CDH18: variants seen among roughly 807,000 people sequenced by gnomAD.
CDH18 encodes cadherin 18, also known as cadherin-18.
CDH18 carries 31 observed loss-of-function variants against 67.9 expected under a neutral mutation model. That is an observed-to-expected ratio of 0.46 (90% CI 0.34 to 0.62). The LOEUF is 0.62. Among genes scored for constraint, CDH18 ranks in the 20% least tolerant of loss-of-function variants. CDH18 has a pLI of 0.01. For missense variants in CDH18, 890 were observed against 975.5 expected (o/e 0.91, Z 1.17); for synonymous variants, 362 against 347.2 (o/e 1.04, Z -0.48).
chr5:19,688,465 A>G lies in CDH18; in HGVS notation c.643+32882T>C, dbSNP rs77280826. ...CAGCTGAAGAAGGCATATGAAGACT[A>G]TACTACTTAATGCACCCATAATCAA... is the stretch of plus-strand genomic sequence containing the variant. On this transcript the variant is annotated intron_variant, in intron 5 of 12. Coordinates refer to ENST00000382275, the MANE Select transcript of CDH18 (RefSeq NM_004934.5). 1.1e-3 allele frequency among the ~76,000 whole-genome samples: 166 copies of G among 152,284 alleles called. 2 individuals carry two copies. The East Asian group carries it at 0.025, about 22-fold the overall frequency.
chr5:20,284,967 G>T (rs998538374), intron 1 of CDH18, among the ~76,000 whole-genome samples: 1 of 151,666 alleles, frequency 6.6e-6, no homozygotes, highest in Non-Finnish European at 1.5e-5. Flanking sequence ...TAGAAATTAA[G>T]AATAAGAATT....
intron 2 of CDH18, among the ~76,000 whole-genome samples, chr5:19,913,974 G>A (rs1791444403): frequency 6.6e-6 from 1 of 152,060 alleles, no homozygotes; most frequent in Non-Finnish European, 1.5e-5. Flanking sequence ...GATTATTTTA[G>A]CTTCTATCAA....
At chr5:19,943,674 C>T (rs544523093) in intron 2 of CDH18, among the ~76,000 whole-genome samples, 1 of 151,952 alleles carries the variant, frequency 6.6e-6, no homozygotes, top group East Asian at 1.9e-4. Context: ...CCAAAGGATT[C>T]CAGTCAATGA....
chr5:19,848,674 T>A (rs925755352), intron 2 of CDH18, among the ~76,000 whole-genome samples: 1 of 151,790 alleles, frequency 6.6e-6, no homozygotes, highest in Admixed American at 6.6e-5. Context: ...ATGAGGAGAA[T>A]GCAATATAGG....
At chr5:20,093,169 G>A (rs528970380) in intron 2 of CDH18, among the ~76,000 whole-genome samples, 10 of 151,742 alleles carry the variant, frequency 6.6e-5, no homozygotes, top group Admixed American at 2.0e-4. Context: ...CCAAGAATTC[G>A]AGACCAGTCT....
At chr5:19,663,801 TC>T (rs1199570295) in intron 5 of CDH18, among the ~76,000 whole-genome samples, 1 of 151,900 alleles carries the variant, frequency 6.6e-6, no homozygotes, top group Non-Finnish European at 1.5e-5. Flanking sequence ...AAAAATGATA[TC>T]CGGTGTTATA....
At chr5:20,411,276 G>C (rs1348983491) in intron 1 of CDH18, among the ~76,000 whole-genome samples, 3 of 151,928 alleles carry the variant, frequency 2.0e-5, no homozygotes, top group Non-Finnish European at 2.9e-5. Flanking sequence ...AATAAAACAT[G>C]ATAGCTCAGA....
intron 2 of CDH18, among the ~76,000 whole-genome samples, chr5:19,866,818 G>A (rs1204195203): frequency 2.0e-5 from 3 of 152,140 alleles, no homozygotes; most frequent in Non-Finnish European, 4.4e-5. Context: ...TTGGCTGGGC[G>A]TGGTGGCTCA....
At chr5:20,503,931 A>G (rs2126454983) in intron 1 of CDH18, among the ~76,000 whole-genome samples, 1 of 152,016 alleles carries the variant, frequency 6.6e-6, no homozygotes, top group African/African-American at 2.4e-5. Flanking sequence ...CCAGCTACTC[A>G]GGAGGCTAAG....
At chr5:20,118,598 AGTTT>A (rs1748107917) in intron 2 of CDH18, among the ~76,000 whole-genome samples, 1 of 152,178 alleles carries the variant, frequency 6.6e-6, no homozygotes, top group Non-Finnish European at 1.5e-5. Context: ...TACCATCTAC[AGTTT>A]GTAAGTAGTA....
chr5:20,387,553 C>T (rs1421351364), intron 1 of CDH18, among the ~76,000 whole-genome samples: 1 of 151,890 alleles, frequency 6.6e-6, no homozygotes, highest in Non-Finnish European at 1.5e-5. Context: ...ATTGAATACC[C>T]TTTATTTCTT....
At chr5:20,547,398 T>G (rs1407578563) in intron 1 of CDH18, among the ~76,000 whole-genome samples, 2 of 151,758 alleles carry the variant, frequency 1.3e-5, no homozygotes, top group African/African-American at 4.8e-5. Context: ...CCGTCTCTAC[T>G]AAAAATACAA....
intron 1 of CDH18, among the ~76,000 whole-genome samples, chr5:20,375,072 C>A: frequency 6.6e-6 from 1 of 152,120 alleles, no homozygotes. Flanking sequence ...TCTTATTGGG[C>A]AGTGCATGTC....
intron 3 of CDH18, among the ~76,000 whole-genome samples, chr5:19,822,924 A>G (rs1780028349): frequency 6.6e-6 from 1 of 152,200 alleles, no homozygotes; most frequent in Non-Finnish European, 1.5e-5. Context: ...CAGCTCGACC[A>G]TAAAAGACAG....
intron 1 of CDH18, among the ~76,000 whole-genome samples, chr5:20,502,404 T>C (rs779363622): frequency 1.3e-5 from 2 of 152,136 alleles, no homozygotes; most frequent in Non-Finnish European, 2.9e-5. Flanking sequence ...CAACCATTAG[T>C]TCATGTCTTA....
intron 1 of CDH18, among the ~76,000 whole-genome samples, chr5:20,484,901 T>C (rs917412630): frequency 1.3e-5 from 2 of 152,112 alleles, no homozygotes; most frequent in Non-Finnish European, 2.9e-5. Context: ...CAGTCAATGA[T>C]ATTTTATCAT....
chr5:19,551,465 AT>A (rs1292432056), intron 8 of CDH18, among the ~76,000 whole-genome samples: 3 of 152,152 alleles, frequency 2.0e-5, no homozygotes, highest in African/African-American at 7.2e-5. Context: ...ATCACTTAGC[AT>A]TGTGACCTTA....
intron 2 of CDH18, among the ~76,000 whole-genome samples, chr5:19,936,851 A>G (rs1408291651): frequency 1.3e-5 from 2 of 151,198 alleles, no homozygotes; most frequent in Non-Finnish European, 3.0e-5. Context: ...ACTGACAAAT[A>G]AGTTAAAAAA....
At chr5:20,435,324 AG>A (rs1446058373) in intron 1 of CDH18, among the ~76,000 whole-genome samples, 1 of 152,052 alleles carries the variant, frequency 6.6e-6, no homozygotes, top group Non-Finnish European at 1.5e-5. Context: ...TTGTACAGCC[AG>A]TACTAAGAAA....
Sources: allele counts gnomAD v4.1 joint callset (sites outside exome capture counted in the v4.1 genomes callset), GRCh38; gene constraint gnomAD v4.1.1; transcripts MANE v1.5; gene names NCBI Gene and HGNC (gene_info 2026-07-23, HGNC 2026-07-21).